Variants in NELL1 observed in about 807,000 individuals in gnomAD.
The protein encoded by NELL1 is protein kinase C-binding protein NELL1.
Under a neutral mutation model 107.4 loss-of-function variants are expected in NELL1, and 76 were observed. That is an observed-to-expected ratio of 0.71 (90% CI 0.59 to 0.86). NELL1 has a LOEUF of 0.86. Among genes scored for constraint, NELL1 ranks in the 40% least tolerant of loss-of-function variants. The probability of loss-of-function intolerance (pLI) is 0.00; values close to 1 mark genes in which losing one functional copy is unlikely to be tolerated. For missense variants in NELL1, 1,024 were observed against 1,005.5 expected (o/e 1.02, Z -0.25); for synonymous variants, 353 against 341.2 (o/e 1.03, Z -0.38).
intron 17 of NELL1, among the ~76,000 whole-genome samples, chr11:21,563,678 C>G (rs1856903164): frequency 6.6e-6 from 1 of 151,906 alleles, no homozygotes; most frequent in African/African-American, 2.4e-5. Context: ...AAATACTATG[C>G]CATTTTATAA....
intron 13 of NELL1, among the ~76,000 whole-genome samples, chr11:21,147,558 C>G (rs186006672): frequency 6.6e-6 from 1 of 151,918 alleles, no homozygotes; most frequent in Non-Finnish European, 1.5e-5. Context: ...ATAGGCTGGG[C>G]ATGGTGGCTC....
chr11:20,736,593 A>G (rs57652560), intron 2 of NELL1, among the ~76,000 whole-genome samples: 7,589 of 152,156 alleles, frequency 0.05, 642 homozygotes, highest in African/African-American at 0.17. Context: ...CATTGTCTAA[A>G]ATACAGCATT....
intron 1 of NELL1, among the ~76,000 whole-genome samples, chr11:20,672,293 T>C (rs1853933157): frequency 6.6e-6 from 1 of 152,238 alleles, no homozygotes; most frequent in Non-Finnish European, 1.5e-5. Flanking sequence ...GAAAGTTTCT[T>C]TGTCAAGTGG....
At chr11:20,725,164 C>T (rs1855480581) in intron 2 of NELL1, among the ~76,000 whole-genome samples, 1 of 152,132 alleles carries the variant, frequency 6.6e-6, no homozygotes, top group Non-Finnish European at 1.5e-5. Flanking sequence ...TTTAAAGACA[C>T]CATATGTAGT....
chr11:20,842,371 T>TAAAA (rs200472794), intron 3 of NELL1, among the ~76,000 whole-genome samples: 1 of 140,854 alleles, frequency 7.1e-6, no homozygotes, highest in African/African-American at 2.6e-5. Context: ...AGACTCCGTT[T>TAAAA]AAAAAAAAAA....
chr11:21,275,030 G>A (rs1848823514), intron 14 of NELL1, among the ~76,000 whole-genome samples: 1 of 152,030 alleles, frequency 6.6e-6, no homozygotes. Flanking sequence ...GCTAGCAGAA[G>A]GCAAGAAATA....
intron 13 of NELL1, among the ~76,000 whole-genome samples, chr11:21,181,839 G>A (rs959780807): frequency 2.0e-5 from 3 of 151,706 alleles, no homozygotes; most frequent in Non-Finnish European, 4.4e-5. Flanking sequence ...TTTTCTACTA[G>A]TGTACTGAAG....
At chr11:21,182,530 T>C (rs578228602) in intron 13 of NELL1, among the ~76,000 whole-genome samples, 1 of 151,884 alleles carries the variant, frequency 6.6e-6, no homozygotes, top group African/African-American at 2.4e-5. Flanking sequence ...ACAAATTATT[T>C]TATAAGAGAG....
intron 14 of NELL1, among the ~76,000 whole-genome samples, chr11:21,355,262 G>T (rs1397009779): frequency 6.6e-6 from 1 of 152,138 alleles, no homozygotes; most frequent in Non-Finnish European, 1.5e-5. Context: ...TTAGTGAGAG[G>T]CAGACTGCAA....
intron 15 of NELL1, among the ~76,000 whole-genome samples, chr11:21,403,943 A>T (rs1007748232): frequency 4.1e-5 from 6 of 147,674 alleles, no homozygotes; most frequent in African/African-American, 9.9e-5. Context: ...TCCGTGACTT[A>T]TGGACTGTAT....
At chr11:21,090,824 C>T (rs1854504079) in intron 12 of NELL1, among the ~76,000 whole-genome samples, 1 of 152,124 alleles carries the variant, frequency 6.6e-6, no homozygotes, top group African/African-American at 2.4e-5. Context: ...TATGATTTTT[C>T]TTAATCAACT....
intron 15 of NELL1, among the ~76,000 whole-genome samples, chr11:21,445,351 A>C (rs1241131708): frequency 7.0e-6 from 1 of 142,568 alleles, no homozygotes; most frequent in Non-Finnish European, 1.6e-5. Flanking sequence ...TTTGAGATGG[A>C]ATTTCGCTCT....
chr11:20,826,057 A>G (rs1465431189), intron 3 of NELL1, among the ~76,000 whole-genome samples: 1 of 151,230 alleles, frequency 6.6e-6, no homozygotes, highest in Non-Finnish European at 1.5e-5. Context: ...TCTTCTTCCT[A>G]CCACCATGTG....
intron 4 of NELL1, among the ~76,000 whole-genome samples, chr11:20,871,791 G>A (rs1481330274): frequency 6.6e-6 from 1 of 151,748 alleles, no homozygotes; most frequent in Non-Finnish European, 1.5e-5. Flanking sequence ...AGGCCGAGGC[G>A]GGCAGATCAC....
intron 12 of NELL1, among the ~76,000 whole-genome samples, chr11:21,081,771 C>A (rs1854275311): frequency 6.6e-6 from 1 of 152,144 alleles, no homozygotes; most frequent in South Asian, 2.1e-4. Flanking sequence ...TCTACTCATC[C>A]AATCTAATGC....
intron 3 of NELL1, among the ~76,000 whole-genome samples, chr11:20,824,517 G>A (rs1316448950): frequency 6.6e-6 from 1 of 151,134 alleles, no homozygotes; most frequent in Non-Finnish European, 1.5e-5. Context: ...ACACTTGGAG[G>A]GCCCAGAAGA....
At chr11:20,976,802 G>A (rs1851645692) in intron 12 of NELL1, among the ~76,000 whole-genome samples, 1 of 152,032 alleles carries the variant, frequency 6.6e-6, no homozygotes, top group Admixed American at 6.6e-5. Context: ...ACAAATCTGG[G>A]AATTCCTAAA....
In NELL1 at chr11:21,438,677, T is replaced by C. The variant is rs77120294; in HGVS notation, c.1645+67729T>C. On this transcript the variant is annotated intron_variant, in intron 15 of 19. Coordinates refer to ENST00000357134, the MANE Select transcript of NELL1 (RefSeq NM_006157.5). ...TTTATATAGTTATTTTTTGTCTGGG[T>C]TATTTTAAAATCCCTGGCTCAAGTT... 0.018 allele frequency among the ~76,000 whole-genome samples: 2,702 copies of C among 152,072 alleles called. 196 individuals carry two copies. In the East Asian group the frequency reaches 0.22, roughly 12 times the overall value.
intron 15 of NELL1, among the ~76,000 whole-genome samples, chr11:21,524,708 A>AT (rs779214911): frequency 6.6e-6 from 1 of 152,156 alleles, no homozygotes; most frequent in Non-Finnish European, 1.5e-5. Context: ...CTGATAGGAG[A>AT]TTTTTACAAT....
Sources: gnomAD v4.1 joint callset for allele counts (sites outside exome capture counted in the v4.1 genomes callset) on GRCh38, gnomAD v4.1.1 for gene constraint, MANE v1.5 for transcripts, NCBI Gene and HGNC (gene_info 2026-07-23, HGNC 2026-07-21) for gene names.